PRMT7: variants seen among roughly 807,000 people sequenced by gnomAD.
PRMT7 encodes protein arginine N-methyltransferase 7.
In PRMT7, 75 loss-of-function variants were observed where a neutral mutation model predicts 85.4. The observed-to-expected ratio is 0.88, with a 90% CI of 0.73 to 1.06. The LOEUF (loss-of-function observed/expected upper bound fraction) is 1.06. Among genes scored for constraint, PRMT7 ranks in the 50% least tolerant of loss-of-function variants. PRMT7 has a pLI of 0.00. For synonymous variants in PRMT7, 397 were observed against 359.5 expected, an observed-to-expected ratio of 1.10 and a Z score of -1.18; for missense variants, 868 against 915.2, an observed-to-expected ratio of 0.95 and a Z score of 0.67.
rs991569422 is a variant in PRMT7 at position 68,357,970 on chromosome 16, G to A, written c.*746G>A. On this transcript the variant is annotated 3_prime_UTR_variant, in exon 19 of 19. Coordinates refer to ENST00000441236, the MANE Select transcript of PRMT7 (RefSeq NM_019023.5). Reference sequence around the variant, plus strand: ...AGATTGGAAAGCCCCTCCTGCAGGTGGGGTATGGCAGGGAGCAGCCCCTGC... The same window carrying A: ...AGATTGGAAAGCCCCTCCTGCAGGTAGGGTATGGCAGGGAGCAGCCCCTGC... The A allele has an allele frequency of 6.6e-6, 1 of 152,270 alleles. No homozygotes were observed. Among genetic ancestry groups the A allele is most frequent in the Non-Finnish European group, 1.5e-5 (1 of 68,092 alleles). The allele number at this position is 152,270 out of a possible 1,614,324, so 9.4% of individuals were successfully genotyped here. A position where few individuals can be genotyped will look rare whatever the true frequency, so the allele number is the denominator to read the frequency against.
At chr16:68,350,566 T>C (rs2151883714) in intron 14 of PRMT7, among the ~76,000 whole-genome samples, 2 of 152,340 alleles carry the variant, frequency 1.3e-5, no homozygotes, top group East Asian at 3.9e-4. Context: ...GAAATGTCTA[T>C]TCAAGCCTTT....
chr16:68,332,826 G>C (rs2084094445), intron 6 of PRMT7, among the ~76,000 whole-genome samples: 2 of 152,180 alleles, frequency 1.3e-5, no homozygotes, highest in South Asian at 2.1e-4. Context: ...GCCAGAGCAG[G>C]GTAAGGGTTA....
Position 68,348,364 on chromosome 16 carries a change from A to C in PRMT7, c.1346A>C (p.Glu449Ala). The change falls in exon 14 of 19, where the codon GAA becomes GCA. Residue 449 changes from glutamate (E) to alanine (A), a missense_variant. By Grantham distance (107) the Glu-to-Ala change is moderately radical. Coordinates refer to ENST00000441236, the MANE Select transcript of PRMT7 (RefSeq NM_019023.5). ...LRKIFKANHL[E>A]DKINIIEKRP... ...AAGATCTTCAAGGCTAACCACTTGG[A>C]AGATAAAATTAACATCATAGAGAAA... 2 of 1,608,846 alleles carry C rather than the reference A, an allele frequency of 1.2e-6. No homozygotes were observed. Among genetic ancestry groups the C allele is most frequent in the Non-Finnish European group, 1.7e-6 (2 of 1,175,180 alleles).
At chr16:68,322,331 C>T (rs1164391988) in intron 4 of PRMT7, 4 of 424,040 alleles carry the variant, frequency 9.4e-6, no homozygotes, top group African/African-American at 8.2e-5. Flanking sequence ...TTCCCAGTAG[C>T]TGGGACTACA....
chr16:68,347,544 C>A, intron 12 of PRMT7, 87 bp from the exon 13 acceptor site: 1 of 1,435,146 alleles, frequency 7.0e-7, no homozygotes, highest in Non-Finnish European at 9.8e-7. Flanking sequence ...TGTCCTCTGT[C>A]TTAGGATGGT....
chr16:68,345,547 A>G, intron 9 of PRMT7, 128 bp from the exon 10 acceptor site: 2 of 1,379,232 alleles, frequency 1.5e-6, no homozygotes, highest in African/African-American at 1.4e-5. Flanking sequence ...CTCCTTGGCC[A>G]CAATAGCCAG....
intron 9 of PRMT7, among the ~76,000 whole-genome samples, chr16:68,340,511 G>T (rs1175302952): frequency 6.6e-6 from 1 of 151,516 alleles, no homozygotes; most frequent in Non-Finnish European, 1.5e-5. Flanking sequence ...AACCCAGGAA[G>T]TTGAGGCTGC....
At chr16:68,320,198 G>T (rs1033100184) in intron 3 of PRMT7, among the ~76,000 whole-genome samples, 2 of 152,206 alleles carry the variant, frequency 1.3e-5, no homozygotes, top group African/African-American at 2.4e-5. Flanking sequence ...TGTATAGCAA[G>T]ATCAAGATGC....
In PRMT7 at chr16:68,311,037, C is replaced by T; in HGVS notation, c.-281C>T. The T allele has an allele frequency of 9.8e-7, 1 of 1,023,984 alleles. No individual in the cohort carries two copies. Among genetic ancestry groups the T allele is most frequent in the Non-Finnish European group, 1.5e-6 (1 of 680,532 alleles). The allele number at this position is 1,023,984 out of a possible 1,614,324, so 63.4% of individuals were successfully genotyped here. On this transcript the variant is annotated 5_prime_UTR_variant, in exon 1 of 19. Coordinates refer to ENST00000441236, the MANE Select transcript of PRMT7 (RefSeq NM_019023.5). ...GCTCCTCGACGCTGCGAGGTCCCGC[C>T]CCGCGTGCTGGCCGCGGTAAAAGTG...
chr16:68,315,613 T>C (rs933381245), intron 2 of PRMT7: 4 of 295,464 alleles, frequency 1.4e-5, no homozygotes, highest in Non-Finnish European at 2.6e-5. Flanking sequence ...TTGAACCTTT[T>C]GGAAGCACCG....
At chr16:68,351,449 T>G (rs2087335285) in intron 14 of PRMT7, 1 of 152,006 alleles carries the variant, frequency 6.6e-6, no homozygotes, top group South Asian at 2.1e-4. Context: ...CTCAGCAGCA[T>G]CTTCTAAATC....
At chr16:68,330,449 C>T (rs1019130918) in intron 6 of PRMT7, among the ~76,000 whole-genome samples, 2 of 152,142 alleles carry the variant, frequency 1.3e-5, no homozygotes, top group Non-Finnish European at 2.9e-5. Context: ...GTGTGCACTA[C>T]TGCACCTGGC....
chr16:68,321,349 C>T (rs1018071088), intron 3 of PRMT7, 77 bp from the exon 4 acceptor site: 1 of 1,111,258 alleles, frequency 9.0e-7, no homozygotes, highest in South Asian at 1.4e-5. Context: ...ATCTGTTTAG[C>T]AATGTGTTTA....
At chr16:68,356,662 T>C (rs761252642) in intron 17 of PRMT7, 39 bp from the exon 18 acceptor site, 1 of 1,529,844 alleles carries the variant, frequency 6.5e-7, no homozygotes, top group Admixed American at 1.7e-5. Context: ...CGCTGCCTCT[T>C]GTGTGACTAC....
rs759256772 is a variant in PRMT7, at chr16:68,355,766, C to T, written c.1694C>T (p.Pro565Leu). Residue 565 changes from proline to leucine, a missense_variant, in exon 17 of 19, where the codon CCG (proline) becomes CTG (leucine). Physicochemically the swap from Pro to Leu is moderately conservative, Grantham distance 98. Coordinates refer to ENST00000441236, the MANE Select transcript of PRMT7 (RefSeq NM_019023.5). ...FRESREAEPH[P>L]LWEYPCRSLS... ...GAGAGCAGGGAAGCTGAGCCCCACC[C>T]GCTGTGGGAGTACCCATGCCGCAGC... 10 of 1,610,554 alleles carry T rather than the reference C, an allele frequency of 6.2e-6. No homozygotes were observed. Among genetic ancestry groups the T allele is most frequent in the East Asian group, 2.2e-5 (1 of 44,718 alleles).
Position 68,311,104 on chromosome 16 carries a change from G to A in PRMT7, c.-219+5G>A. The A allele has an allele frequency of 1.4e-6, 1 of 704,856 alleles. No homozygotes were observed. Among genetic ancestry groups the A allele is most frequent in the Non-Finnish European group, 2.6e-6 (1 of 391,702 alleles). 43.7% of individuals were successfully genotyped at this position (704,856 alleles called of 1,614,324 possible). A position where few individuals can be genotyped will look rare whatever the true frequency, so the allele number is the denominator to read the frequency against. On this transcript the variant is annotated splice_donor_5th_base_variant and intron_variant, in intron 1 of 18. Coordinates refer to ENST00000441236, the MANE Select transcript of PRMT7 (RefSeq NM_019023.5). ...GCGGAGGGTTTCCCGCGGCGGGTGAGGCGCTGGGTATGCTGGGAAGGTGGG... is the reference window on the plus strand; with the variant it reads ...GCGGAGGGTTTCCCGCGGCGGGTGAAGCGCTGGGTATGCTGGGAAGGTGGG...
intron 17 of PRMT7, 99 bp downstream of exon 17, chr16:68,355,982 C>T (rs988275315): frequency 7.1e-6 from 9 of 1,273,290 alleles, no homozygotes; most frequent in Middle Eastern, 2.8e-4. Flanking sequence ...GACGCTGACA[C>T]GTGGAGGGGG....
At position 68,357,419 on chromosome 16, in the gene PRMT7, A is replaced by G. The variant is rs2088788242; in HGVS notation, c.*195A>G. 1.7e-6 allele frequency: 1 copy of G among 605,942 alleles called. No individual in the cohort carries two copies. Among genetic ancestry groups the G allele is most frequent in the Non-Finnish European group, 2.7e-6 (1 of 365,366 alleles). 37.5% of individuals were successfully genotyped at this position (605,942 alleles called of 1,614,324 possible). A position where few individuals can be genotyped will look rare whatever the true frequency, so the allele number is the denominator to read the frequency against. Reference sequence around the variant, plus strand: ...GGCTCCAGCTGTGGCAGGAAGCATGAGAGGGTGACTGAATTTGGAGCCCTG... The same window carrying G: ...GGCTCCAGCTGTGGCAGGAAGCATGGGAGGGTGACTGAATTTGGAGCCCTG... On this transcript the variant is annotated 3_prime_UTR_variant, in exon 19 of 19. Transcript: ENST00000441236.
intron 2 of PRMT7, among the ~76,000 whole-genome samples, chr16:68,312,864 GC>G (rs1412437561): frequency 6.6e-6 from 1 of 151,968 alleles, no homozygotes; most frequent in East Asian, 1.9e-4. Context: ...TTGCTCTGTT[GC>G]CCAGGCTGGA....
Sources: gnomAD v4.1 joint callset for allele counts (sites outside exome capture counted in the v4.1 genomes callset) on GRCh38, gnomAD v4.1.1 for gene constraint, MANE v1.5 for transcripts, NCBI Gene and HGNC (gene_info 2026-07-23, HGNC 2026-07-21) for gene names.